Variants in ARHGAP15 observed in about 807,000 individuals in gnomAD.
The protein encoded by ARHGAP15 is Rho GTPase activating protein 15.
A neutral mutation model predicts 63.7 loss-of-function variants in ARHGAP15; 51 were observed. That is an observed-to-expected ratio of 0.80 (90% confidence interval 0.64 to 1.01). The LOEUF is 1.01. Among genes scored for constraint, ARHGAP15 ranks in the 50% least tolerant of loss-of-function variants. The pLI is 0.00. For missense variants in ARHGAP15, 560 were observed against 564.6 expected (o/e 0.99, Z 0.08); for synonymous variants, 191 against 193.8 (o/e 0.99, Z 0.12).
At chr2:143,378,664 A>G (rs575734901) in intron 6 of ARHGAP15, among the ~76,000 whole-genome samples, 165 of 152,202 alleles carry the variant, frequency 1.1e-3, no homozygotes, top group Admixed American at 2.6e-3. Flanking sequence ...AGTTCTGCTA[A>G]AAGTAGAAAC....
chr2:143,218,475 T>C (rs1264791273), intron 4 of ARHGAP15, among the ~76,000 whole-genome samples: 1 of 152,134 alleles, frequency 6.6e-6, no homozygotes, highest in Non-Finnish European at 1.5e-5. Flanking sequence ...ATTTAATGTG[T>C]GTTTATCAAA....
chr2:143,137,083 A>T (rs753462676), intron 1 of ARHGAP15, among the ~76,000 whole-genome samples: 7 of 152,068 alleles, frequency 4.6e-5, no homozygotes, highest in Non-Finnish European at 1.0e-4. Context: ...CCAAATGACT[A>T]TTATACTTCA....
At chr2:143,504,579 C>A (rs911198716) in intron 9 of ARHGAP15, among the ~76,000 whole-genome samples, 2 of 152,230 alleles carry the variant, frequency 1.3e-5, no homozygotes, top group Non-Finnish European at 2.9e-5. Flanking sequence ...CCTTACAGCA[C>A]AAATGTCCCA....
At chr2:143,190,256 T>G (rs963771267) in intron 2 of ARHGAP15, among the ~76,000 whole-genome samples, 2 of 152,178 alleles carry the variant, frequency 1.3e-5, no homozygotes, top group African/African-American at 4.8e-5. Flanking sequence ...TGATTAAAAT[T>G]TCCTTGTGTT....
chr2:143,337,277 G>A (rs1427108432), intron 6 of ARHGAP15, among the ~76,000 whole-genome samples: 8 of 152,168 alleles, frequency 5.3e-5, no homozygotes, highest in African/African-American at 1.7e-4. Flanking sequence ...TAGGAGGCTA[G>A]GGAGGTGGGA....
intron 12 of ARHGAP15, among the ~76,000 whole-genome samples, chr2:143,637,108 C>A (rs1227035777): frequency 6.6e-6 from 1 of 152,032 alleles, no homozygotes; most frequent in Non-Finnish European, 1.5e-5. Flanking sequence ...TTTGTTGCCC[C>A]CCCCAAAGAC....
At chr2:143,394,200 C>G (rs146336599) in intron 6 of ARHGAP15, among the ~76,000 whole-genome samples, 93 of 152,298 alleles carry the variant, frequency 6.1e-4, no homozygotes, top group African/African-American at 2.2e-3. Flanking sequence ...CAACTTTAAG[C>G]TACAACCTCA....
At chr2:143,339,552 G>A (rs565804409) in intron 6 of ARHGAP15, among the ~76,000 whole-genome samples, 2 of 152,150 alleles carry the variant, frequency 1.3e-5, no homozygotes, top group South Asian at 4.1e-4. Flanking sequence ...GACAATCTTG[G>A]GTGCCTGGAA....
chr2:143,432,026 A>G (rs1046134691), intron 6 of ARHGAP15, among the ~76,000 whole-genome samples: 13 of 152,056 alleles, frequency 8.5e-5, no homozygotes, highest in Middle Eastern at 3.2e-3. Context: ...GTATCTATCT[A>G]TAACATTGAT....
intron 6 of ARHGAP15, among the ~76,000 whole-genome samples, chr2:143,392,639 G>A (rs1488012629): frequency 6.6e-6 from 1 of 152,160 alleles, no homozygotes; most frequent in Non-Finnish European, 1.5e-5. Flanking sequence ...GCAGCTTGAA[G>A]TAATGCTATG....
rs1553485589 is a variant in ARHGAP15 at position 143,469,957 on chromosome 2, CT to C, written c.704-17407del. On this transcript the variant is annotated intron_variant, in intron 8 of 13. Transcript: ENST00000295095. ...TCAATCTGACTCTCTCACTCTCTCT[CT>C]TTTTTTTTCTCTCTCTCTCTCTCCA... Among the ~76,000 whole-genome samples the C allele has an allele frequency of 1.3e-4, 20 of 151,022 alleles. No individual in the cohort carries two copies. In the South Asian group the frequency reaches 1.9e-3, roughly 14 times the overall value.
At chr2:143,470,307 A>G (rs1032505490) in intron 8 of ARHGAP15, among the ~76,000 whole-genome samples, 32 of 150,242 alleles carry the variant, frequency 2.1e-4, no homozygotes, top group African/African-American at 7.1e-4. Context: ...AAAAAAAAAA[A>G]GGGAACTGAG....
At chr2:143,758,203 C>A (rs1268015341) in intron 13 of ARHGAP15, among the ~76,000 whole-genome samples, 2 of 151,278 alleles carry the variant, frequency 1.3e-5, no homozygotes, top group African/African-American at 4.9e-5. Context: ...GGGGGAAAAG[C>A]AAATTATAGC....
intron 9 of ARHGAP15, among the ~76,000 whole-genome samples, chr2:143,491,567 A>G (rs1205975334): frequency 6.6e-6 from 1 of 152,236 alleles, no homozygotes; most frequent in Non-Finnish European, 1.5e-5. Context: ...AGTATATTAT[A>G]AAACCTGCTT....
intron 12 of ARHGAP15, among the ~76,000 whole-genome samples, chr2:143,638,116 G>A (rs112901395): frequency 0.18 from 24,651 of 137,294 alleles, 2,412 homozygotes; most frequent in Middle Eastern, 0.27. Flanking sequence ...ATCTAGAACT[G>A]GAAATACCAT....
At chr2:143,265,483 T>C (rs1193525166) in intron 6 of ARHGAP15, among the ~76,000 whole-genome samples, 3 of 152,168 alleles carry the variant, frequency 2.0e-5, no homozygotes, top group Non-Finnish European at 2.9e-5. Flanking sequence ...TGACATATTT[T>C]TATTGCAAAT....
At chr2:143,265,366 A>T (rs575157678) in intron 6 of ARHGAP15, among the ~76,000 whole-genome samples, 1 of 152,288 alleles carries the variant, frequency 6.6e-6, no homozygotes, top group Non-Finnish European at 1.5e-5. Flanking sequence ...AAATCTAAAC[A>T]TAGTCTAAAA....
intron 10 of ARHGAP15, among the ~76,000 whole-genome samples, chr2:143,540,282 G>T (rs186088036): frequency 1.5e-4 from 23 of 152,078 alleles, no homozygotes; most frequent in Admixed American, 3.3e-4. Flanking sequence ...GTGTCTGCAC[G>T]TGATGGGTTT....
intron 11 of ARHGAP15, among the ~76,000 whole-genome samples, chr2:143,573,520 T>G (rs1197863723): frequency 6.6e-6 from 1 of 152,182 alleles, no homozygotes; most frequent in Non-Finnish European, 1.5e-5. Flanking sequence ...AAAACTGTCT[T>G]GATCAGTGCT....
Sources: gnomAD v4.1 joint callset for allele counts (sites outside exome capture counted in the v4.1 genomes callset) on GRCh38, gnomAD v4.1.1 for gene constraint, MANE v1.5 for transcripts, NCBI Gene and HGNC (gene_info 2026-07-23, HGNC 2026-07-21) for gene names.